NTRK2: variants seen among roughly 807,000 people sequenced by gnomAD.
NTRK2 encodes BDNF/NT-3 growth factors receptor.
Under a neutral mutation model 94.5 loss-of-function variants are expected in NTRK2, and 13 were observed. The ratio of observed to expected loss-of-function variants is 0.14; its 90% CI spans 0.09 to 0.22. The LOEUF is 0.22. NTRK2 is among the 10% of genes least tolerant of loss of function. NTRK2 has a pLI of 1.00. For synonymous variants in NTRK2, 372 were observed against 407.4 expected (o/e 0.91, Z 1.05); for missense variants, 639 against 1,071.2 (o/e 0.60, Z 5.63).
At chr9:84,797,687 AAT>A (rs1369816333) in intron 12 of NTRK2, among the ~76,000 whole-genome samples, 3 of 75,696 alleles carry the variant, frequency 4.0e-5, no homozygotes, top group African/African-American at 1.8e-4. Context: ...TATATACTAT[AAT>A]ATATATATTA....
At chr9:84,761,032 G>T (rs1338753765) in intron 12 of NTRK2, among the ~76,000 whole-genome samples, 2 of 152,176 alleles carry the variant, frequency 1.3e-5, no homozygotes, top group Non-Finnish European at 2.9e-5. Context: ...GAAAGCCAAG[G>T]CTTGGACAGG....
chr9:84,687,169 C>T (rs1042497712), intron 2 of NTRK2, among the ~76,000 whole-genome samples: 1 of 152,056 alleles, frequency 6.6e-6, no homozygotes, highest in African/African-American at 2.4e-5. Flanking sequence ...CTGCCTTTGG[C>T]CTCCCAAAAT....
At chr9:84,731,472 C>G (rs1420318113) in intron 9 of NTRK2, among the ~76,000 whole-genome samples, 1 of 152,060 alleles carries the variant, frequency 6.6e-6, no homozygotes, top group Non-Finnish European at 1.5e-5. Context: ...TAAAAAAGAA[C>G]TAAGATTTCC....
At chr9:84,735,625 G>A (rs2063204418) in intron 9 of NTRK2, among the ~76,000 whole-genome samples, 1 of 152,212 alleles carries the variant, frequency 6.6e-6, no homozygotes, top group Admixed American at 6.5e-5. Flanking sequence ...TCAATATGTG[G>A]CTTAAGAAGG....
chr9:84,828,540 T>A (rs565952884), intron 12 of NTRK2, among the ~76,000 whole-genome samples: 1 of 152,262 alleles, frequency 6.6e-6, no homozygotes, highest in South Asian at 2.1e-4. Flanking sequence ...AATTATTGTA[T>A]TCATTCCAAA....
At chr9:84,852,039 G>T (rs1235433328) in intron 12 of NTRK2, among the ~76,000 whole-genome samples, 2 of 152,174 alleles carry the variant, frequency 1.3e-5, no homozygotes, top group African/African-American at 4.8e-5. Context: ...TTCACGCTGG[G>T]CTCACTTGGT....
At chr9:84,957,672 A>C (rs1164049004) in intron 17 of NTRK2, among the ~76,000 whole-genome samples, 6 of 152,198 alleles carry the variant, frequency 3.9e-5, no homozygotes, top group African/African-American at 1.4e-4. Context: ...TGCTTTGGAA[A>C]ACCGTTTGGT....
At chr9:84,763,693 T>G (rs1045677614) in intron 12 of NTRK2, among the ~76,000 whole-genome samples, 2 of 152,164 alleles carry the variant, frequency 1.3e-5, no homozygotes, top group African/African-American at 4.8e-5. Flanking sequence ...CCATTACCAT[T>G]GTGCTCAAGG....
chr9:84,810,517 A>C (rs200779871), intron 12 of NTRK2: 91 of 1,603,100 alleles, frequency 5.7e-5, no homozygotes, highest in Non-Finnish European at 7.2e-5. Context: ...AGCATGACTT[A>C]TGTTTTATTT....
At chr9:84,832,202 C>T (rs2083827) in intron 12 of NTRK2, among the ~76,000 whole-genome samples, 75,877 of 151,966 alleles carry the variant, frequency 0.5, 19,129 homozygotes, top group African/African-American at 0.55. Flanking sequence ...AGTTACATGC[C>T]TGTGATGTTA....
chr9:85,014,279 T>C (rs763518203), intron 17 of NTRK2, among the ~76,000 whole-genome samples: 4 of 152,108 alleles, frequency 2.6e-5, no homozygotes, highest in African/African-American at 4.8e-5. Flanking sequence ...GATAAATGCA[T>C]TTTCTAAGAA....
chr9:84,894,808 A>G (rs1044210578), intron 14 of NTRK2, among the ~76,000 whole-genome samples: 1 of 152,208 alleles, frequency 6.6e-6, no homozygotes, highest in Non-Finnish European at 1.5e-5. Context: ...ACCATACAGG[A>G]CCAGGGACAC....
At chr9:84,735,279 A>C (rs778590732) in intron 9 of NTRK2, among the ~76,000 whole-genome samples, 25 of 152,186 alleles carry the variant, frequency 1.6e-4, no homozygotes, top group Admixed American at 1.3e-4. Flanking sequence ...GTGAGTTGTT[A>C]AATCAGGGCT....
At chr9:84,711,821 G>A (rs1007695666) in intron 6 of NTRK2, among the ~76,000 whole-genome samples, 5 of 152,244 alleles carry the variant, frequency 3.3e-5, no homozygotes, top group South Asian at 4.2e-4. Context: ...CTTAGAAGAC[G>A]GCCCTGACCC....
intron 2 of NTRK2, 56 bp from the exon 3 acceptor site, chr9:84,702,103 A>T: frequency 6.6e-7 from 1 of 1,518,800 alleles, no homozygotes; most frequent in Non-Finnish European, 9.1e-7. Context: ...GGAGTTCTTC[A>T]TGGTGCTGCT....
chr9:84,851,887 T>C (rs2074791817), intron 12 of NTRK2, among the ~76,000 whole-genome samples: 1 of 152,238 alleles, frequency 6.6e-6, no homozygotes, highest in Admixed American at 6.5e-5. Flanking sequence ...AATTTGCATG[T>C]TTTATATATG....
intron 14 of NTRK2, among the ~76,000 whole-genome samples, chr9:84,894,397 G>A (rs575495300): frequency 6.6e-6 from 1 of 152,232 alleles, no homozygotes; most frequent in South Asian, 2.1e-4. Flanking sequence ...CTGAACTAAG[G>A]CAAAGTTGAG....
At chr9:84,992,597 C>A (rs1472255740) in intron 17 of NTRK2, among the ~76,000 whole-genome samples, 2 of 151,982 alleles carry the variant, frequency 1.3e-5, no homozygotes, top group Non-Finnish European at 2.9e-5. Context: ...AAGAACAGAA[C>A]CTAATAAATA....
intron 12 of NTRK2, among the ~76,000 whole-genome samples, chr9:84,829,213 G>A (rs11140774): frequency 0.19 from 28,537 of 151,936 alleles, 2,837 homozygotes; most frequent in Non-Finnish European, 0.23. Context: ...TGTCCAGGCT[G>A]GTCTTGAACT....
Sources: gnomAD v4.1 joint callset for allele counts (sites outside exome capture counted in the v4.1 genomes callset) on GRCh38, gnomAD v4.1.1 for gene constraint, MANE v1.5 for transcripts, NCBI Gene and HGNC (gene_info 2026-07-23, HGNC 2026-07-21) for gene names.